The following SLC7A14 variants were observed in gnomAD, a reference collection of about 807,000 sequenced individuals.
SLC7A14 encodes the protein gamma-aminobutyric acid transporter SLC7A14.
A neutral mutation model predicts 60.2 loss-of-function variants in SLC7A14; 37 were observed. The observed-to-expected ratio is 0.61, with a 90% CI of 0.47 to 0.81. The LOEUF (loss-of-function observed/expected upper bound fraction) is 0.81. Among genes scored for constraint, SLC7A14 ranks in the 30% least tolerant of loss-of-function variants. The probability of loss-of-function intolerance (pLI) is 0.00; values close to 1 mark genes in which losing one functional copy is unlikely to be tolerated. For synonymous variants in SLC7A14, 399 were observed against 395.8 expected (o/e 1.01, Z -0.10); for missense variants, 886 against 982.7 (o/e 0.90, Z 1.32).
chr3:170,565,733 G>C (rs143794924), intron 1 of SLC7A14, among the ~76,000 whole-genome samples: 1 of 152,118 alleles, frequency 6.6e-6, no homozygotes, highest in African/African-American at 2.4e-5. Context: ...CTGGGCCTTG[G>C]TTCCTCCTTG....
Position 170,527,087 on chromosome 3 carries a change from G to A in SLC7A14, c.-151C>T, listed in dbSNP as rs1713532166. On this transcript the variant is annotated splice_region_variant and 5_prime_UTR_variant, in exon 2 of 8. Coordinates refer to ENST00000231706, the MANE Select transcript of SLC7A14 (RefSeq NM_020949.3). The stretch of plus-strand genomic sequence containing the variant: ...GTGCAGCCTTCTCCTGGGCATGAAT[G>A]TCTGCAGGAAAAACACAAGAAAGCA... 1 of 774,838 alleles carries A rather than the reference G, an allele frequency of 1.3e-6. No individual in the cohort carries two copies. The highest frequency in any genetic ancestry group is 2.0e-6 in the Non-Finnish European group (1 of 496,750). 48.0% of individuals were successfully genotyped at this position (774,838 alleles called of 1,614,324 possible).
In SLC7A14 at chr3:170,480,449, C is replaced by T. The variant is rs1318969478; in HGVS notation, c.1833G>A (p.Leu611=). 1.2e-6 allele frequency: 2 copies of T among 1,613,738 alleles called. No homozygotes were observed. The highest frequency in any genetic ancestry group is 1.7e-5 in the Admixed American group (1 of 59,992). ...VVLMVLLIST[L]VFVILQQPEN... ...CTGGCTGCTGCAGGATCACAAACAC[C>T]AGGGTGCTGATCAGCAGCACCATCA... Residue 611 remains leucine, a synonymous_variant, in exon 7 of 8, where the codon CTG becomes CTA. Transcript: ENST00000231706.
intron 6 of SLC7A14, among the ~76,000 whole-genome samples, chr3:170,481,559 AC>A (rs1711824508): frequency 6.6e-6 from 1 of 151,454 alleles, no homozygotes; most frequent in Admixed American, 6.6e-5. Context: ...GCACCACTAC[AC>A]CCGGCTAATT....
rs199849857 is a variant in SLC7A14 at position 170,490,369 on chromosome 3, CACAT to C, written c.760-4005_760-4002del. Among the ~76,000 whole-genome samples the C allele has an allele frequency of 2.3e-3, 357 of 152,270 alleles. 2 individuals are homozygous for C. The highest frequency in any genetic ancestry group is 7.7e-3 in the African/African-American group (322 of 41,552). On this transcript the variant is annotated intron_variant, in intron 4 of 7. Transcript: ENST00000231706. ...AAATACATATAAACACAGATAAACA[CACAT>C]ACATACACATGCAAACACATATACA...
chr3:170,530,937 C>T (rs1409501146), intron 1 of SLC7A14, among the ~76,000 whole-genome samples: 1 of 152,184 alleles, frequency 6.6e-6, no homozygotes, highest in East Asian at 1.9e-4. Context: ...TTCATGCCCG[C>T]TTTTGAGGGG....
chr3:170,487,784 G>T (rs968130531), intron 4 of SLC7A14, among the ~76,000 whole-genome samples: 16 of 152,044 alleles, frequency 1.1e-4, no homozygotes, highest in African/African-American at 3.9e-4. Context: ...TGGAATTCAG[G>T]GCATCTAAAA....
In SLC7A14 at chr3:170,480,587, C is replaced by T. The variant is rs1711777983; in HGVS notation, c.1695G>A (p.Val565=). The part of the protein sequence containing the change: ...DRPTAATGHT[V]TICVLLLFIL... Reference sequence around the variant, plus strand: ...TGAAGAGCAGGAGCACGCAGATGGTCACCGTGTGCCCCGTCGCTGCTGTGG... The same window carrying T: ...TGAAGAGCAGGAGCACGCAGATGGTTACCGTGTGCCCCGTCGCTGCTGTGG... Residue 565 remains valine (V), a synonymous_variant, in exon 7 of 8, where the codon GTG becomes GTA. Coordinates refer to ENST00000231706, the MANE Select transcript of SLC7A14 (RefSeq NM_020949.3). 6.2e-7 allele frequency: 1 copy of T among 1,614,088 alleles called. No homozygotes were observed. Among genetic ancestry groups the T allele is most frequent in the African/African-American group, 1.3e-5 (1 of 74,932 alleles).
At chr3:170,509,806 TG>T (rs1712910008) in intron 2 of SLC7A14, among the ~76,000 whole-genome samples, 1 of 149,812 alleles carries the variant, frequency 6.7e-6, no homozygotes, top group Non-Finnish European at 1.5e-5. Context: ...TAGCCGGGCG[TG>T]GTGGTGCATG....
intron 3 of SLC7A14, 76 bp from the exon 4 acceptor site, chr3:170,498,960 G>T: frequency 7.2e-7 from 1 of 1,394,622 alleles, no homozygotes; most frequent in Non-Finnish European, 1.0e-6. Flanking sequence ...CTACCCCACT[G>T]CATCCGTACT....
rs114307568 is a variant in SLC7A14, at chr3:170,578,130, G to T, written c.-153+7781C>A. ...GCTGACCTTTATAGCATTAGAAGGT[G>T]CTGGATTGATCCTGCACCAGCATCC... On this transcript the variant is annotated intron_variant, in intron 1 of 7. Transcript: ENST00000231706. Among the ~76,000 whole-genome samples the T allele has an allele frequency of 1.8e-3, 270 of 152,370 alleles. 3 individuals are homozygous for T. The South Asian group carries it at 0.024, about 14-fold the overall frequency.
intron 7 of SLC7A14, among the ~76,000 whole-genome samples, chr3:170,470,330 GTGTGTGTGTA>G (rs1191626914): frequency 6.6e-6 from 1 of 151,626 alleles, no homozygotes; most frequent in African/African-American, 2.4e-5. Flanking sequence ...GTGTGTGTGT[GTGTGTGTGTA>G]TGTGTGTGTG....
At chr3:170,528,994 A>G (rs968672381) in intron 1 of SLC7A14, among the ~76,000 whole-genome samples, 1 of 152,216 alleles carries the variant, frequency 6.6e-6, no homozygotes. Flanking sequence ...CCCTGCTCCC[A>G]TGGAGCTTGC....
intron 2 of SLC7A14, among the ~76,000 whole-genome samples, chr3:170,514,503 C>T (rs1420965392): frequency 1.3e-5 from 2 of 152,164 alleles, no homozygotes; most frequent in Admixed American, 1.3e-4. Context: ...CTTTATAGCA[C>T]TCGTCACTGT....
chr3:170,584,141 T>A (rs1016512871), intron 1 of SLC7A14, among the ~76,000 whole-genome samples: 14 of 152,186 alleles, frequency 9.2e-5, no homozygotes, highest in African/African-American at 3.1e-4. Flanking sequence ...CAGATAGAGG[T>A]GTTCAGTACA....
chr3:170,522,698 C>T (rs1252870736), intron 2 of SLC7A14, among the ~76,000 whole-genome samples: 1 of 152,108 alleles, frequency 6.6e-6, no homozygotes, highest in African/African-American at 2.4e-5. Flanking sequence ...TGATGGAGCT[C>T]TTCTGCATCT....
chr3:170,558,397 A>G (rs896788246), intron 1 of SLC7A14, among the ~76,000 whole-genome samples: 1 of 152,132 alleles, frequency 6.6e-6, no homozygotes, highest in Non-Finnish European at 1.5e-5. Context: ...AAATAAAACA[A>G]ACAAACAAAT....
At chr3:170,541,704 T>G (rs138012918) in intron 1 of SLC7A14, among the ~76,000 whole-genome samples, 3 of 152,168 alleles carry the variant, frequency 2.0e-5, no homozygotes, top group Non-Finnish European at 4.4e-5. Context: ...GGCAGTATGG[T>G]AAAATGTTAA....
At position 170,577,431 on chromosome 3, in the gene SLC7A14, ACAAGGTGAAACCCCGT is replaced by A. The variant is rs1193840673; in HGVS notation, c.-153+8464_-153+8479del. On this transcript the variant is annotated intron_variant, in intron 1 of 7. Coordinates refer to ENST00000231706, the MANE Select transcript of SLC7A14 (RefSeq NM_020949.3). The stretch of plus-strand genomic sequence containing the variant: ...CAGGAGATCGAGACCATCCTGGCTA[ACAAGGTGAAACCCCGT>A]CTCTACTAAAAATACAAAAACTTAG... Among the ~76,000 whole-genome samples the A allele has an allele frequency of 1.1e-3, 167 of 151,836 alleles. 1 individual carries two copies. The highest frequency in any genetic ancestry group is 3.5e-3 in the African/African-American group (146 of 41,384).
intron 2 of SLC7A14, among the ~76,000 whole-genome samples, chr3:170,513,634 A>G (rs563336565): frequency 1.1e-4 from 17 of 152,260 alleles, no homozygotes; most frequent in African/African-American, 4.1e-4. Flanking sequence ...TCTATGTTGC[A>G]TGTTAGCAAA....
Sources: allele counts gnomAD v4.1 joint callset (sites outside exome capture counted in the v4.1 genomes callset), GRCh38; gene constraint gnomAD v4.1.1; transcripts MANE v1.5; gene names NCBI Gene and HGNC (gene_info 2026-07-23, HGNC 2026-07-21).